Variants in ZSCAN18 observed in about 807,000 individuals in gnomAD.
ZSCAN18 encodes the protein zinc finger and SCAN domain-containing protein 18.
A neutral mutation model predicts 31.1 loss-of-function variants in ZSCAN18; 16 were observed. The ratio of observed to expected loss-of-function variants is 0.51; its 90% confidence interval spans 0.35 to 0.78. The LOEUF (loss-of-function observed/expected upper bound fraction) is 0.78, where lower values mean the gene tolerates loss of function less well. Ranked by LOEUF, ZSCAN18 falls within the 30% of genes least tolerant of loss-of-function variation. The pLI, the probability that ZSCAN18 is intolerant of heterozygous loss-of-function variation, is 0.01. For synonymous variants in ZSCAN18, 375 were observed against 320.7 expected (o/e 1.17, Z -1.81); for missense variants, 731 against 697.4 (o/e 1.05, Z -0.54).
At chr19:58,092,809 T>C (rs1321313482) in intron 1 of ZSCAN18, 1 of 757,190 alleles carries the variant, frequency 1.3e-6, no homozygotes, top group African/African-American at 1.9e-5. Flanking sequence ...GGTCTTACTC[T>C]GTCACCCAGG....
chr19:58,110,899 T>G (rs2074677606), intron 1 of ZSCAN18, among the ~76,000 whole-genome samples: 1 of 152,186 alleles, frequency 6.6e-6, no homozygotes, highest in Admixed American at 6.6e-5. Flanking sequence ...CCAGGCACGG[T>G]GGCTCACGCC....
chr19:58,103,686 C>A (rs10775574), intron 1 of ZSCAN18, among the ~76,000 whole-genome samples: 85,326 of 152,012 alleles, frequency 0.56, 25,871 homozygotes, highest in Non-Finnish European at 0.68. Flanking sequence ...CAATATTGAA[C>A]TTAGGCCAGT....
At chr19:58,098,496 A>AGG, upstream of ZSCAN18, 1 of 588,746 alleles carries the variant, frequency 1.7e-6, no homozygotes, top group African/African-American at 2.0e-5. Context: ...ACGGTGAGAA[A>AGG]CGGAGAAACA....
intron 6 of ZSCAN18, 66 bp from the exon 7 acceptor site, chr19:58,085,445 G>C (rs2074258217): frequency 1.4e-6 from 2 of 1,392,968 alleles, no homozygotes; most frequent in Non-Finnish European, 9.5e-7. Flanking sequence ...GGACCCAGCC[G>C]AGCCTCAGCT....
At position 58,112,950 on chromosome 19, in the gene ZSCAN18, C is replaced by CAA. The variant is rs55721042; in HGVS notation, c.130+5315_130+5316dup. On this transcript the variant is annotated intron_variant, in intron 1 of 1. Transcript: ENST00000595721. ...TGGGCGATAAAGCAAGGCTCCGTTTCAAAAAAAAAAAAAAAAAAAGAATTT... is the reference window on the plus strand; with the variant it reads ...TGGGCGATAAAGCAAGGCTCCGTTTCAAAAAAAAAAAAAAAAAAAAAGAATTT... Among the ~76,000 whole-genome samples, 170 of 69,482 alleles carry CAA rather than the reference C, an allele frequency of 2.4e-3. 6 individuals carry two copies. The East Asian group carries it at 0.069, about 28-fold the overall frequency. 45.6% of individuals were successfully genotyped at this position (69,482 alleles called of 152,430 possible).
At chr19:58,087,634 A>T in intron 3 of ZSCAN18, 1 of 507,842 alleles carries the variant, frequency 2.0e-6, no homozygotes, top group Non-Finnish European at 3.5e-6. Context: ...ATTCATGGAA[A>T]TCTTTTTTTT....
At chr19:58,094,419 A>AG (rs57642855) in intron 1 of ZSCAN18, among the ~76,000 whole-genome samples, 27,407 of 151,260 alleles carry the variant, frequency 0.18, 2,808 homozygotes, top group Non-Finnish European at 0.24. Flanking sequence ...TCAAAAAAAA[A>AG]AAAAAGAAAT....
chr19:58,098,299 G>C, upstream of ZSCAN18: 3 of 985,466 alleles, frequency 3.0e-6, no homozygotes, highest in Non-Finnish European at 3.6e-6. Flanking sequence ...CCGCGAGGCT[G>C]TGCCGCGCAC....
At chr19:58,106,793 T>C (rs1474633485) in intron 1 of ZSCAN18, among the ~76,000 whole-genome samples, 1 of 151,766 alleles carries the variant, frequency 6.6e-6, no homozygotes, top group East Asian at 2.0e-4. Context: ...TGGAGCCTCC[T>C]TCTGTTTCCC....
intron 1 of ZSCAN18, among the ~76,000 whole-genome samples, chr19:58,114,554 TATAA>T (rs1312837798): frequency 5.3e-5 from 8 of 152,210 alleles, no homozygotes; most frequent in East Asian, 3.9e-4. Flanking sequence ...ATGTACATTA[TATAA>T]ATATATACAC....
At chr19:58,099,410 T>G (rs903316642), upstream of ZSCAN18, among the ~76,000 whole-genome samples, 1 of 152,198 alleles carries the variant, frequency 6.6e-6, no homozygotes, top group African/African-American at 2.4e-5. Context: ...TGAGAGGCAT[T>G]GAAGTAGTAT....
In ZSCAN18 at chr19:58,086,692, A is replaced by C. The variant is rs537741586; in HGVS notation, c.745+214T>G. ...AGGCCTTTCCAAATTCCGAGGCTTC[A>C]GTCCTACAGGCAGGGCCTGGGCAGA... is the stretch of plus-strand genomic sequence containing the variant. On this transcript the variant is annotated intron_variant, in intron 5 of 6. Transcript: ENST00000601144. 143 of 531,516 alleles carry C rather than the reference A, an allele frequency of 2.7e-4. 1 individual carries two copies. The Admixed American group carries it at 4.7e-3, about 18-fold the overall frequency. 32.9% of individuals were successfully genotyped at this position (531,516 alleles called of 1,614,324 possible). A position where few individuals can be genotyped will look rare whatever the true frequency, so the allele number is the denominator to read the frequency against.
At chr19:58,097,938 AG>A in intron 1 of ZSCAN18, 1 of 984,464 alleles carries the variant, frequency 1.0e-6, no homozygotes, top group Non-Finnish European at 1.2e-6. Context: ...ACCTGCCTGC[AG>A]GGCCCCTCAC....
upstream of ZSCAN18, among the ~76,000 whole-genome samples, chr19:58,100,456 C>G (rs541486991): frequency 2.6e-5 from 4 of 152,178 alleles, no homozygotes; most frequent in Non-Finnish European, 5.9e-5. Context: ...TTTAAGGTGA[C>G]TATCCCCATC....
Position 58,117,038 on chromosome 19 carries a change from C to T in ZSCAN18, c.130+1229G>A, listed in dbSNP as rs146443532. 7.8e-3 allele frequency among the ~76,000 whole-genome samples: 1,184 copies of T among 152,138 alleles called. 26 individuals carry two copies. Among genetic ancestry groups the T allele is most frequent in the African/African-American group, 0.026 (1,094 of 41,536 alleles). On this transcript the variant is annotated intron_variant, in intron 1 of 1. Transcript: ENST00000595721. ...GAGCAGCTGGGATTAAAAGCGCGTG[C>T]TTTAGGGGACATGTGAGATCCTCTG...
intron 2 of ZSCAN18, among the ~76,000 whole-genome samples, chr19:58,089,313 A>ACC (rs2074358770): frequency 1.2e-5 from 1 of 80,802 alleles, no homozygotes; most frequent in African/African-American, 4.9e-5. Flanking sequence ...AAAAAAAAAA[A>ACC]AAAAAAAAAA....
At chr19:58,088,498 A>G (rs1166559226) in intron 3 of ZSCAN18, 190 bp downstream of exon 3, 4 of 577,702 alleles carry the variant, frequency 6.9e-6, no homozygotes, top group Non-Finnish European at 1.2e-5. Flanking sequence ...TGATCTGCAT[A>G]ATCTCTGAAG....
chr19:58,094,175 A>C (rs540867788), intron 1 of ZSCAN18, among the ~76,000 whole-genome samples: 52 of 151,832 alleles, frequency 3.4e-4, no homozygotes, highest in African/African-American at 1.2e-3. Context: ...AGGCAGGCAG[A>C]TCACGAGGTC....
chr19:58,083,871 T>TCAGA lies in ZSCAN18; in HGVS notation c.*810_*813dup, dbSNP rs1295448217. On this transcript the variant is annotated 3_prime_UTR_variant, in exon 7 of 7. Transcript: ENST00000601144. ...GCCCAAGGAGTTTAGTCTCCTTTGCTCAGACAGACAGATCTTTATTAGTGT... is the reference window on the plus strand; with the variant it reads ...GCCCAAGGAGTTTAGTCTCCTTTGCTCAGACAGACAGACAGATCTTTATTAGTGT... The TCAGA allele has an allele frequency of 6.6e-6, 1 of 152,248 alleles. No individual in the cohort carries two copies. The highest frequency in any genetic ancestry group is 1.5e-5 in the Non-Finnish European group (1 of 68,046). The allele number at this position is 152,248 out of a possible 1,614,324, so 9.4% of individuals were successfully genotyped here.
Sources: gnomAD v4.1 joint callset for allele counts (sites outside exome capture counted in the v4.1 genomes callset) on GRCh38, gnomAD v4.1.1 for gene constraint, MANE v1.5 for transcripts, NCBI Gene and HGNC (gene_info 2026-07-23, HGNC 2026-07-21) for gene names.